RAB1A: variants seen among roughly 807,000 people sequenced by gnomAD.
RAB1A encodes ras-related protein Rab-1A.
RAB1A carries 2 observed loss-of-function variants against 26.0 expected under a neutral mutation model. The observed-to-expected ratio is 0.08, with a 90% CI of 0.03 to 0.24. The LOEUF is 0.24. Among genes scored for constraint, RAB1A ranks in the 10% least tolerant of loss-of-function variants. The pLI is 1.00. For synonymous variants in RAB1A, 84 were observed against 84.9 expected (o/e 0.99, Z 0.06); for missense variants, 100 against 247.0 (o/e 0.40, Z 3.99).
chr2:65,104,126 CTG>C (rs1442028201), intron 2 of RAB1A, among the ~76,000 whole-genome samples: 2 of 152,170 alleles, frequency 1.3e-5, no homozygotes, highest in Non-Finnish European at 2.9e-5. Context: ...ATGAAGGACA[CTG>C]TGGATTCTGT....
chr2:65,130,002 A>C lies in RAB1A; in HGVS notation c.-87T>G, dbSNP rs1315428134. 1.4e-6 allele frequency: 2 copies of C among 1,438,336 alleles called. No homozygotes were observed. The highest frequency in any genetic ancestry group is 2.8e-5 in the African/African-American group (2 of 70,758). The allele number at this position is 1,438,336 out of a possible 1,614,324, so 89.1% of individuals were successfully genotyped here. ...TCCGCGCCACGGGTAATCGAAAGAAAGGAATGAGATAGGCTGTTCCGGGAG... is the reference window on the plus strand; with the variant it reads ...TCCGCGCCACGGGTAATCGAAAGAACGGAATGAGATAGGCTGTTCCGGGAG... On this transcript the variant is annotated 5_prime_UTR_variant, in exon 1 of 6. Transcript: ENST00000409784.
chr2:65,103,299 C>CAAAAAAAAAAA (rs1201745425), intron 2 of RAB1A, among the ~76,000 whole-genome samples: 525 of 44,030 alleles, frequency 0.012, 29 homozygotes, highest in African/African-American at 0.037. Flanking sequence ...GAATCTGTCT[C>CAAAAAAAAAAA]AAAAAAAAAA....
At chr2:65,092,612 C>T (rs1381321575) in intron 3 of RAB1A, among the ~76,000 whole-genome samples, 1 of 152,180 alleles carries the variant, frequency 6.6e-6, no homozygotes, top group South Asian at 2.1e-4. Flanking sequence ...GAAGTTACAG[C>T]TGATTAAAGT....
chr2:65,102,278 T>C (rs1669448668), intron 2 of RAB1A, among the ~76,000 whole-genome samples: 1 of 152,144 alleles, frequency 6.6e-6, no homozygotes. Flanking sequence ...TTTCTTATTT[T>C]AAAAAATACC....
chr2:65,115,756 T>A (rs1057223054), intron 1 of RAB1A, among the ~76,000 whole-genome samples: 2 of 152,168 alleles, frequency 1.3e-5, no homozygotes, highest in African/African-American at 4.8e-5. Context: ...TAAAAAAAAT[T>A]GTTCCCATAA....
At chr2:65,092,185 G>T (rs1289851621) in intron 3 of RAB1A, among the ~76,000 whole-genome samples, 2 of 151,876 alleles carry the variant, frequency 1.3e-5, no homozygotes, top group African/African-American at 4.8e-5. Flanking sequence ...AGGCAGAATC[G>T]CTTGAGCCCA....
intron 2 of RAB1A, among the ~76,000 whole-genome samples, chr2:65,101,911 G>A (rs538214749): frequency 6.6e-5 from 10 of 151,718 alleles, no homozygotes; most frequent in East Asian, 1.9e-4. Context: ...CACCACATCC[G>A]GCTAATTTTG....
chr2:65,093,181 A>G (rs1011221395), intron 3 of RAB1A, among the ~76,000 whole-genome samples: 1 of 152,216 alleles, frequency 6.6e-6, no homozygotes, highest in Admixed American at 6.5e-5. Flanking sequence ...CTTTCCTGAC[A>G]CTAAATCCTA....
chr2:65,122,124 C>G (rs930641349), intron 1 of RAB1A, among the ~76,000 whole-genome samples: 1 of 140,380 alleles, frequency 7.1e-6, no homozygotes, highest in African/African-American at 2.7e-5. Context: ...CCACTGCACT[C>G]CAGCCTGGGT....
Position 65,104,411 on chromosome 2 carries a change from T to A in RAB1A, c.96+323A>T, listed in dbSNP as rs181782480. ...ACTAAAGTTTAATTTAAAGATTTAT[T>A]TTCATCAAGTCGCTTTCAACACAGG... On this transcript the variant is annotated intron_variant, in intron 2 of 5. Transcript: ENST00000409784. 9.5e-4 allele frequency among the ~76,000 whole-genome samples: 144 copies of A among 152,296 alleles called. 2 individuals carry two copies. In the South Asian group the frequency reaches 0.025, roughly 26 times the overall value.
chr2:65,129,352 T>A (rs940909206), intron 1 of RAB1A, among the ~76,000 whole-genome samples: 1 of 151,928 alleles, frequency 6.6e-6, no homozygotes, highest in African/African-American at 2.4e-5. Context: ...TTCCCCTCAA[T>A]CCCACGCAGT....
At chr2:65,129,851 C>T (rs1334806194) in intron 1 of RAB1A, 42 bp downstream of exon 1, 3 of 1,580,624 alleles carry the variant, frequency 1.9e-6, no homozygotes, top group Non-Finnish European at 1.7e-6. Context: ...ATCCCCCAAG[C>T]TGGCCCACGG....
At chr2:65,101,337 C>A (rs770093290) in intron 2 of RAB1A, among the ~76,000 whole-genome samples, 3 of 152,128 alleles carry the variant, frequency 2.0e-5, no homozygotes, top group Admixed American at 2.0e-4. Flanking sequence ...TCAGGCAATA[C>A]TGAGTGTCCA....
chr2:65,122,330 G>A (rs1194763013), intron 1 of RAB1A, among the ~76,000 whole-genome samples: 1 of 149,344 alleles, frequency 6.7e-6, no homozygotes, highest in East Asian at 2.0e-4. Flanking sequence ...GGTGGATCTC[G>A]AGACCAGGAA....
At chr2:65,106,802 T>C (rs1020437935) in intron 1 of RAB1A, among the ~76,000 whole-genome samples, 3 of 151,640 alleles carry the variant, frequency 2.0e-5, no homozygotes, top group African/African-American at 7.3e-5. Context: ...TACCAACAAT[T>C]TGTACTTGGC....
chr2:65,127,502 C>T (rs868700631), intron 1 of RAB1A, among the ~76,000 whole-genome samples: 30 of 152,126 alleles, frequency 2.0e-4, no homozygotes, highest in Middle Eastern at 3.2e-3. Flanking sequence ...GAAGCTGAGG[C>T]GGGCGGATCA....
At chr2:65,104,467 T>C (rs1669507432) in intron 2 of RAB1A, among the ~76,000 whole-genome samples, 1 of 152,216 alleles carries the variant, frequency 6.6e-6, no homozygotes, top group East Asian at 1.9e-4. Flanking sequence ...TTGCTGCCTA[T>C]ATTGGAACTG....
At chr2:65,109,050 C>T (rs1669631303) in intron 1 of RAB1A, among the ~76,000 whole-genome samples, 1 of 152,166 alleles carries the variant, frequency 6.6e-6, no homozygotes, top group African/African-American at 2.4e-5. Context: ...ATAGCGTGAT[C>T]AGTGACACGT....
At chr2:65,108,120 C>T (rs532275024) in intron 1 of RAB1A, among the ~76,000 whole-genome samples, 17 of 149,110 alleles carry the variant, frequency 1.1e-4, no homozygotes, top group African/African-American at 3.9e-4. Context: ...AAAACATGAA[C>T]GGGGGCCAGG....
Sources: gnomAD v4.1 joint callset for allele counts (sites outside exome capture counted in the v4.1 genomes callset) on GRCh38, gnomAD v4.1.1 for gene constraint, MANE v1.5 for transcripts, NCBI Gene and HGNC (gene_info 2026-07-23, HGNC 2026-07-21) for gene names.